SLC35D2: variants seen among roughly 807,000 people sequenced by gnomAD.
SLC35D2 encodes the protein nucleotide sugar transporter SLC35D2.
Under a neutral mutation model 41.8 loss-of-function variants are expected in SLC35D2, and 43 were observed. That is an observed-to-expected ratio of 1.03 (90% confidence interval 0.81 to 1.33). SLC35D2 has a LOEUF of 1.33. Ranked by LOEUF, SLC35D2 falls within the 40% of genes most tolerant of loss-of-function variation. SLC35D2 has a pLI of 0.00. For missense variants in SLC35D2, 380 were observed against 408.4 expected (o/e 0.93, Z 0.60); for synonymous variants, 150 against 163.9 (o/e 0.92, Z 0.65).
intron 6 of SLC35D2, among the ~76,000 whole-genome samples, chr9:96,348,925 C>A (rs1829694313): frequency 6.6e-6 from 1 of 152,124 alleles, no homozygotes; most frequent in African/African-American, 2.4e-5. Context: ...TTTTATAAAC[C>A]ATTTTTTGCA....
At chr9:96,339,184 C>T (rs1829194107) in intron 8 of SLC35D2, among the ~76,000 whole-genome samples, 1 of 152,034 alleles carries the variant, frequency 6.6e-6, no homozygotes. Flanking sequence ...GATCTCAGCT[C>T]ACTGCAACCT....
At chr9:96,349,316 A>G (rs1829712984) in intron 6 of SLC35D2, among the ~76,000 whole-genome samples, 1 of 151,932 alleles carries the variant, frequency 6.6e-6, no homozygotes, top group African/African-American at 2.4e-5. Flanking sequence ...ATCCTTTACA[A>G]TTTTTGTCTC....
intron 1 of SLC35D2, among the ~76,000 whole-genome samples, chr9:96,372,189 T>C (rs1242616544): frequency 1.3e-5 from 2 of 152,058 alleles, no homozygotes; most frequent in Non-Finnish European, 2.9e-5. Context: ...TTAAACCAAA[T>C]GAAATAAAGT....
chr9:96,324,981 G>T (rs1828454830), intron 9 of SLC35D2, among the ~76,000 whole-genome samples: 3 of 152,344 alleles, frequency 2.0e-5, no homozygotes, highest in African/African-American at 7.2e-5. Flanking sequence ...TGTAGCCAGA[G>T]CAGAGGACCT....
At chr9:96,342,261 C>A (rs1471493469) in intron 8 of SLC35D2, among the ~76,000 whole-genome samples, 3 of 152,070 alleles carry the variant, frequency 2.0e-5, no homozygotes, top group African/African-American at 7.2e-5. Flanking sequence ...CAGGCACCCG[C>A]CACCATGCCT....
chr9:96,367,262 C>T (rs895976719), intron 2 of SLC35D2, among the ~76,000 whole-genome samples: 4 of 147,714 alleles, frequency 2.7e-5, no homozygotes, highest in Non-Finnish European at 4.5e-5. Context: ...CTCACATAAA[C>T]GACAGGCTTT....
chr9:96,326,251 C>G (rs1828521520), intron 9 of SLC35D2, among the ~76,000 whole-genome samples: 1 of 152,044 alleles, frequency 6.6e-6, no homozygotes. Flanking sequence ...GTTAATTGGC[C>G]TCAGGGGTTG....
At chr9:96,369,671 G>A (rs1401419472) in intron 1 of SLC35D2, among the ~76,000 whole-genome samples, 1 of 152,180 alleles carries the variant, frequency 6.6e-6, no homozygotes, top group African/African-American at 2.4e-5. Flanking sequence ...CAGAGCAGTG[G>A]AGAAAAGACG....
intron 9 of SLC35D2, among the ~76,000 whole-genome samples, chr9:96,328,182 G>C (rs182482815): frequency 6.6e-6 from 1 of 152,134 alleles, no homozygotes; most frequent in Non-Finnish European, 1.5e-5. Context: ...ACTATCTGTA[G>C]ATTAATAAAA....
exon 12 of SLC35D2, chr9:96,313,887 C>T (rs1321847353): frequency 6.6e-6 from 1 of 152,392 alleles, no homozygotes; most frequent in Non-Finnish European, 1.5e-5. Context: ...TATTTGTGGC[C>T]TGCTGTACTT....
At chr9:96,337,803 GA>G (rs1829115230) in intron 8 of SLC35D2, among the ~76,000 whole-genome samples, 1 of 151,528 alleles carries the variant, frequency 6.6e-6, no homozygotes, top group African/African-American at 2.4e-5. Context: ...CCAACATGGT[GA>G]AACCCTATCT....
At position 96,358,073 on chromosome 9, in the gene SLC35D2, ATATATTT is replaced by A. The variant is rs1395039987; in HGVS notation, c.347+2074_347+2080del. On this transcript the variant is annotated intron_variant, in intron 4 of 11. Transcript: ENST00000253270. ...TTTATAAATGGATAAACAAAATATT[ATATATTT>A]TATATATATATATATATATATATAT... 5.8e-4 allele frequency among the ~76,000 whole-genome samples: 54 copies of A among 93,646 alleles called. 5 individuals are homozygous for A. Among genetic ancestry groups the A allele is most frequent in the African/African-American group, 2.6e-3 (47 of 17,736 alleles). The allele number at this position is 93,646 out of a possible 152,430, so 61.4% of individuals were successfully genotyped here.
intron 8 of SLC35D2, among the ~76,000 whole-genome samples, chr9:96,338,005 A>C (rs7848835): frequency 4.8e-5 from 5 of 104,796 alleles, no homozygotes; most frequent in Admixed American, 2.1e-4. Context: ...AAAAAAAAAA[A>C]CTCAATTTCT....
intron 1 of SLC35D2, among the ~76,000 whole-genome samples, chr9:96,379,725 A>G (rs569842163): frequency 6.6e-6 from 1 of 152,278 alleles, no homozygotes; most frequent in East Asian, 1.9e-4. Flanking sequence ...GCATTTTGAG[A>G]GGAAAGAATG....
In SLC35D2 at chr9:96,321,045, G is replaced by A; in HGVS notation, c.*197C>T. On this transcript the variant is annotated 3_prime_UTR_variant, in exon 12 of 12. Coordinates refer to ENST00000253270, the MANE Select transcript of SLC35D2 (RefSeq NM_007001.3). The stretch of plus-strand genomic sequence containing the variant: ...AAAAGATTTGCTTTCCACAGGTAAG[G>A]TGTCGCCCGAGTACATTTCTTGAGA... The A allele has an allele frequency of 1.9e-6, 1 of 529,304 alleles. No individual in the cohort carries two copies. Among genetic ancestry groups the A allele is most frequent in the Non-Finnish European group, 3.4e-6 (1 of 297,356 alleles). 32.8% of individuals were successfully genotyped at this position (529,304 alleles called of 1,614,324 possible). A position where few individuals can be genotyped will look rare whatever the true frequency, so the allele number is the denominator to read the frequency against.
At chr9:96,340,453 C>A (rs948157435) in intron 8 of SLC35D2, among the ~76,000 whole-genome samples, 4 of 151,420 alleles carry the variant, frequency 2.6e-5, no homozygotes, top group Non-Finnish European at 4.4e-5. Context: ...CCTATCTTTA[C>A]TAAAAATACA....
intron 4 of SLC35D2, among the ~76,000 whole-genome samples, chr9:96,353,092 GA>G (rs150144127): frequency 1.2e-4 from 18 of 149,868 alleles, no homozygotes; most frequent in African/African-American, 7.4e-5. Context: ...ATAATCAAAA[GA>G]AAAAAAAACC....
chr9:96,348,206 C>T (rs1405964248), intron 6 of SLC35D2, among the ~76,000 whole-genome samples: 1 of 152,198 alleles, frequency 6.6e-6, no homozygotes, highest in Non-Finnish European at 1.5e-5. Context: ...GCTACCACAC[C>T]CAGCCCAGAT....
intron 6 of SLC35D2, among the ~76,000 whole-genome samples, chr9:96,348,687 T>A (rs1362744313): frequency 6.6e-6 from 1 of 152,200 alleles, no homozygotes; most frequent in African/African-American, 2.4e-5. Flanking sequence ...CAGGTGGGGA[T>A]CCATTCTGTG....
Sources: gnomAD v4.1 joint callset for allele counts (sites outside exome capture counted in the v4.1 genomes callset) on GRCh38, gnomAD v4.1.1 for gene constraint, MANE v1.5 for transcripts, NCBI Gene and HGNC (gene_info 2026-07-23, HGNC 2026-07-21) for gene names.